The following CDK17 variants were observed in gnomAD, a reference collection of about 807,000 sequenced individuals.
The protein encoded by CDK17 is cyclin dependent kinase 17.
In CDK17, 24 loss-of-function variants were observed where a neutral mutation model predicts 77.6. The observed-to-expected ratio is 0.31, with a 90% CI of 0.22 to 0.44. CDK17 has a LOEUF of 0.44. Ranked by LOEUF, CDK17 falls within the 20% of genes least tolerant of loss-of-function variation. The pLI, the probability that CDK17 is intolerant of heterozygous loss-of-function variation, is 1.00. For missense variants in CDK17, 429 were observed against 622.5 expected (o/e 0.69, Z 3.31); for synonymous variants, 203 against 210.4 (o/e 0.96, Z 0.30).
chr12:96,352,535 G>C (rs1480647795), intron 1 of CDK17, among the ~76,000 whole-genome samples: 2 of 152,142 alleles, frequency 1.3e-5, no homozygotes, highest in African/African-American at 4.8e-5. Flanking sequence ...AATCTCACAG[G>C]TACTCAGATG....
chr12:96,342,400 T>C (rs1953135471), intron 1 of CDK17, among the ~76,000 whole-genome samples: 1 of 151,994 alleles, frequency 6.6e-6, no homozygotes, highest in Admixed American at 6.6e-5. Context: ...AAACACAAAG[T>C]AAAATACAAA....
intron 10 of CDK17, among the ~76,000 whole-genome samples, chr12:96,290,253 CTA>C: frequency 6.6e-6 from 1 of 152,260 alleles, no homozygotes; most frequent in Non-Finnish European, 1.5e-5. Flanking sequence ...TCTTGAGTCA[CTA>C]GTGTGAGAGA....
chr12:96,364,415 T>TAC (rs752161505), intron 1 of CDK17, among the ~76,000 whole-genome samples: 64 of 152,330 alleles, frequency 4.2e-4, no homozygotes, highest in Non-Finnish European at 8.4e-4. Context: ...ACACAGGTAT[T>TAC]ACCTTTTAAA....
chr12:96,280,405 G>A, intron 16 of CDK17, 126 bp from the exon 17 acceptor site: 2 of 1,471,968 alleles, frequency 1.4e-6, no homozygotes, highest in East Asian at 2.5e-5. Flanking sequence ...AGAGTGATCA[G>A]CACTGTCTTA....
chr12:96,358,820 C>T (rs979248734), intron 1 of CDK17, among the ~76,000 whole-genome samples: 7 of 150,342 alleles, frequency 4.7e-5, no homozygotes, highest in South Asian at 4.2e-4. Context: ...AGTTGAGACT[C>T]GGCCTCCGTG....
intron 2 of CDK17, among the ~76,000 whole-genome samples, chr12:96,329,420 A>G (rs1167174122): frequency 6.6e-6 from 1 of 152,184 alleles, no homozygotes. Flanking sequence ...CAACATGATA[A>G]TCATTATGAT....
intron 1 of CDK17, among the ~76,000 whole-genome samples, chr12:96,364,502 C>A (rs1022489916): frequency 1.3e-5 from 2 of 152,214 alleles, no homozygotes; most frequent in Non-Finnish European, 2.9e-5. Context: ...CGCCAATCAT[C>A]TTTTCATGTC....
At chr12:96,303,793 A>C (rs937487948) in intron 5 of CDK17, among the ~76,000 whole-genome samples, 22 of 152,088 alleles carry the variant, frequency 1.4e-4, no homozygotes, top group African/African-American at 5.1e-4. Context: ...CTAGCAACAT[A>C]ATTACTCTAT....
In CDK17 at chr12:96,400,043, C is replaced by T. The variant is rs1315592142; in HGVS notation, c.-87G>A. On this transcript the variant is annotated 5_prime_UTR_variant, in exon 1 of 17. Transcript: ENST00000261211. ...AGGCGAAGAGAGGCGCGGGGGGAAGCTGCTCCGCGGACGCCCGCGGCGACC... is the reference window on the plus strand; with the variant it reads ...AGGCGAAGAGAGGCGCGGGGGGAAGTTGCTCCGCGGACGCCCGCGGCGACC... 8 of 386,804 alleles carry T rather than the reference C, an allele frequency of 2.1e-5. No homozygotes were observed. The highest frequency in any genetic ancestry group is 3.7e-5 in the Non-Finnish European group (8 of 218,876). The allele number at this position is 386,804 out of a possible 1,614,324, so 24.0% of individuals were successfully genotyped here.
chr12:96,357,997 A>G (rs1194130744), intron 1 of CDK17, among the ~76,000 whole-genome samples: 4 of 152,190 alleles, frequency 2.6e-5, no homozygotes, highest in Admixed American at 1.3e-4. Flanking sequence ...CAGCAGTAAA[A>G]ATGAATGAAC....
chr12:96,294,204 C>G (rs1461286528), intron 10 of CDK17, among the ~76,000 whole-genome samples: 2 of 152,052 alleles, frequency 1.3e-5, no homozygotes. Flanking sequence ...GAAATGTAGT[C>G]AAGGATGGAA....
At position 96,400,265 on chromosome 12, in the gene CDK17, C is replaced by T. The variant is rs1236039017; in HGVS notation, c.-309G>A. ...GCCGCGCGGACGGCCCACTAATCCC[C>T]TCGGAGCAGCCGGGCGCGAGCGCGG... On this transcript the variant is annotated 5_prime_UTR_variant, in exon 1 of 17. Coordinates refer to ENST00000261211, the MANE Select transcript of CDK17 (RefSeq NM_002595.5). The T allele has an allele frequency of 2.5e-6, 1 of 392,894 alleles. No homozygotes were observed. The highest frequency in any genetic ancestry group is 2.1e-5 in the African/African-American group (1 of 48,320). The allele number at this position is 392,894 out of a possible 1,614,324, so 24.3% of individuals were successfully genotyped here. A position where few individuals can be genotyped will look rare whatever the true frequency, so the allele number is the denominator to read the frequency against.
At chr12:96,305,307 C>T (rs1231508409) in intron 5 of CDK17, among the ~76,000 whole-genome samples, 1 of 152,076 alleles carries the variant, frequency 6.6e-6, no homozygotes, top group Admixed American at 6.6e-5. Context: ...ACAACACTGA[C>T]AAAAAATTAG....
chr12:96,316,124 C>T (rs527536085), intron 3 of CDK17, among the ~76,000 whole-genome samples: 54 of 152,230 alleles, frequency 3.5e-4, no homozygotes, highest in African/African-American at 1.3e-3. Flanking sequence ...CGAAGCAGGG[C>T]GAGGCATTGC....
At chr12:96,352,439 C>T (rs1953325988) in intron 1 of CDK17, among the ~76,000 whole-genome samples, 1 of 151,770 alleles carries the variant, frequency 6.6e-6, no homozygotes, top group African/African-American at 2.4e-5. Context: ...AACAGCTGTG[C>T]TGTGAAACAG....
intron 1 of CDK17, among the ~76,000 whole-genome samples, chr12:96,341,825 T>C (rs1005667630): frequency 1.3e-5 from 2 of 152,184 alleles, no homozygotes; most frequent in African/African-American, 4.8e-5. Flanking sequence ...TCTCAGCACT[T>C]GCAGTAAGAA....
intron 5 of CDK17, among the ~76,000 whole-genome samples, chr12:96,302,607 G>A (rs1952523159): frequency 6.6e-6 from 1 of 152,116 alleles, no homozygotes. Context: ...TTATAACAAT[G>A]AGAAGCACAC....
At chr12:96,314,479 G>T (rs995391569) in intron 3 of CDK17, among the ~76,000 whole-genome samples, 1 of 152,114 alleles carries the variant, frequency 6.6e-6, no homozygotes, top group Non-Finnish European at 1.5e-5. Context: ...AAGCATGTGG[G>T]AGCTACTTAT....
intron 1 of CDK17, among the ~76,000 whole-genome samples, chr12:96,392,627 T>C (rs1323016773): frequency 6.6e-6 from 1 of 152,228 alleles, no homozygotes; most frequent in Non-Finnish European, 1.5e-5. Flanking sequence ...GTTTTTGGCT[T>C]ACGTGACTAG....
Sources: gnomAD v4.1 joint callset for allele counts (sites outside exome capture counted in the v4.1 genomes callset) on GRCh38, gnomAD v4.1.1 for gene constraint, MANE v1.5 for transcripts, NCBI Gene and HGNC (gene_info 2026-07-23, HGNC 2026-07-21) for gene names.